TRAPPC9: variants seen among roughly 807,000 people sequenced by gnomAD.
TRAPPC9 encodes trafficking protein particle complex subunit 9.
TRAPPC9 carries 83 observed loss-of-function variants against 124.0 expected under a neutral mutation model. That is an observed-to-expected ratio of 0.67 (90% CI 0.56 to 0.80). The LOEUF (loss-of-function observed/expected upper bound fraction) is 0.80, where lower values mean the gene tolerates loss of function less well. TRAPPC9 is among the 30% of genes least tolerant of loss of function. TRAPPC9 has a pLI of 0.00. For missense variants in TRAPPC9, 1,302 were observed against 1,508.3 expected, an observed-to-expected ratio of 0.86 and a Z score of 2.27; for synonymous variants, 638 against 617.5, an observed-to-expected ratio of 1.03 and a Z score of -0.49.
intron 21 of TRAPPC9, among the ~76,000 whole-genome samples, chr8:139,781,178 T>C (rs1378531735): frequency 6.6e-6 from 1 of 152,180 alleles, no homozygotes; most frequent in Non-Finnish European, 1.5e-5. Flanking sequence ...CCAAATGAGT[T>C]GAAAATTTAT....
At chr8:139,911,055 C>G (rs1334243464) in intron 19 of TRAPPC9, among the ~76,000 whole-genome samples, 1 of 152,110 alleles carries the variant, frequency 6.6e-6, no homozygotes, top group Non-Finnish European at 1.5e-5. Flanking sequence ...GAGTTTGGCT[C>G]TATCCCCACC....
chr8:140,146,511 C>T (rs888864471), intron 17 of TRAPPC9, among the ~76,000 whole-genome samples: 3 of 152,208 alleles, frequency 2.0e-5, no homozygotes, highest in African/African-American at 7.2e-5. Context: ...TGCATATACA[C>T]ATTTTTTCTA....
intron 3 of TRAPPC9, among the ~76,000 whole-genome samples, chr8:140,437,135 T>TTTTTA (rs1181626999): frequency 1.7e-4 from 24 of 141,360 alleles, no homozygotes; most frequent in African/African-American, 2.5e-4. Flanking sequence ...AGCTAATGTC[T>TTTTTA]TTTTATTTTA....
intron 13 of TRAPPC9, among the ~76,000 whole-genome samples, chr8:140,286,425 G>C (rs2065486213): frequency 6.6e-6 from 1 of 152,144 alleles, no homozygotes; most frequent in African/African-American, 2.4e-5. Flanking sequence ...GATGGGAGGT[G>C]GGTCTGTTAG....
At chr8:139,988,935 G>A (rs1228190810) in intron 18 of TRAPPC9, 99 bp from the exon 19 acceptor site, 2 of 809,080 alleles carry the variant, frequency 2.5e-6, no homozygotes, top group East Asian at 5.3e-5. Context: ...CACTTAAGAA[G>A]GGCAAAGTAT....
intron 21 of TRAPPC9, among the ~76,000 whole-genome samples, chr8:139,809,881 T>C (rs1031301617): frequency 4.6e-5 from 7 of 152,066 alleles, no homozygotes; most frequent in African/African-American, 1.7e-4. Context: ...AGCGGCAGGA[T>C]ACTGAGTGAC....
At position 140,024,002 on chromosome 8, in the gene TRAPPC9, C is replaced by T. The variant is rs1194681301; in HGVS notation, c.2634G>A (p.Leu878=). Residue 878 remains leucine (L), a synonymous_variant, in exon 18 of 23, where the codon CTG becomes CTA. Coordinates refer to ENST00000438773, the MANE Select transcript of TRAPPC9 (RefSeq NM_001160372.4). ...HTEGYYRNLS[L]GLHVEVEPSV... ...ACGGCTCGACTTCTACATGCAGCCC[C>T]AGGGAGAGATTCCTGTAATATCCTT... is the stretch of plus-strand genomic sequence containing the variant. The T allele has an allele frequency of 6.2e-7, 1 of 1,614,078 alleles. No homozygotes were observed. Among genetic ancestry groups the T allele is most frequent in the South Asian group, 1.1e-5 (1 of 91,080 alleles).
chr8:140,271,477 C>T (rs1056928366), intron 15 of TRAPPC9, among the ~76,000 whole-genome samples: 1 of 152,044 alleles, frequency 6.6e-6, no homozygotes, highest in Non-Finnish European at 1.5e-5. Context: ...ACAAAGAGCT[C>T]ACACCAAGGG....
intron 17 of TRAPPC9, among the ~76,000 whole-genome samples, chr8:140,142,579 C>T (rs1317146415): frequency 2.0e-5 from 3 of 152,244 alleles, no homozygotes; most frequent in Non-Finnish European, 4.4e-5. Context: ...CTGATTCCCA[C>T]CCTCACAGCC....
intron 21 of TRAPPC9, among the ~76,000 whole-genome samples, chr8:139,823,175 C>T (rs567468733): frequency 4.5e-4 from 68 of 152,220 alleles, no homozygotes; most frequent in African/African-American, 1.5e-3. Flanking sequence ...ACATTCAGTT[C>T]GGACCAGTAC....
chr8:140,370,905 C>G (rs536735985), intron 8 of TRAPPC9, 59 bp downstream of exon 8: 1 of 1,591,338 alleles, frequency 6.3e-7, no homozygotes, highest in South Asian at 1.1e-5. Flanking sequence ...GGGGCTGAAA[C>G]AGCATGTGAC....
At chr8:139,940,258 T>A (rs908665365) in intron 19 of TRAPPC9, among the ~76,000 whole-genome samples, 1 of 152,180 alleles carries the variant, frequency 6.6e-6, no homozygotes, top group Non-Finnish European at 1.5e-5. Context: ...TCTTAATACA[T>A]CTTCTCCACC....
chr8:139,947,907 T>TATATATATATATATAG, intron 19 of TRAPPC9, among the ~76,000 whole-genome samples: 1 of 60,370 alleles, frequency 1.7e-5, no homozygotes, highest in Non-Finnish European at 3.3e-5. Flanking sequence ...TATATATATA[T>TATATATATATATATAG]AGAGAGAGAG....
chr8:139,952,390 T>C (rs1207695085), intron 19 of TRAPPC9, among the ~76,000 whole-genome samples: 2 of 152,224 alleles, frequency 1.3e-5, no homozygotes, highest in East Asian at 1.9e-4. Flanking sequence ...GAGGAAAGCA[T>C]GGTGTGAACC....
At chr8:140,367,947 G>A (rs1259811980) in intron 8 of TRAPPC9, among the ~76,000 whole-genome samples, 3 of 152,162 alleles carry the variant, frequency 2.0e-5, no homozygotes, top group Admixed American at 6.5e-5. Flanking sequence ...AGGGAACACC[G>A]AGGAAAAAGA....
At chr8:140,244,800 C>CTTTTTTTT (rs1162364645) in intron 16 of TRAPPC9, among the ~76,000 whole-genome samples, 5 of 90,180 alleles carry the variant, frequency 5.5e-5, no homozygotes, top group Non-Finnish European at 7.7e-5. Context: ...TTTCCAATTC[C>CTTTTTTTT]TTTTTTTTTT....
Position 139,729,316 on chromosome 8 carries a change from G to A in TRAPPC9, c.*1745C>T, listed in dbSNP as rs544873595. Among the ~76,000 whole-genome samples, 3 of 152,360 alleles carry A rather than the reference G, an allele frequency of 2.0e-5. No individual in the cohort carries two copies. The highest frequency in any genetic ancestry group is 6.5e-5 in the Admixed American group (1 of 15,304). Reference sequence around the variant, plus strand: ...GCAATGTGTTGTTTCATTCAATGGCGTATTTTTGGGCTCTGTTGAGGTTGA... The same window carrying A: ...GCAATGTGTTGTTTCATTCAATGGCATATTTTTGGGCTCTGTTGAGGTTGA... On this transcript the variant is annotated 3_prime_UTR_variant, in exon 23 of 23. Transcript: ENST00000438773.
intron 2 of TRAPPC9, among the ~76,000 whole-genome samples, chr8:140,449,163 C>G (rs930380695): frequency 1.3e-5 from 2 of 152,198 alleles, no homozygotes; most frequent in African/African-American, 2.4e-5. Flanking sequence ...TCTCCTCATA[C>G]TTACCAACAA....
intron 6 of TRAPPC9, among the ~76,000 whole-genome samples, chr8:140,402,478 T>G (rs2069312888): frequency 6.7e-6 from 1 of 148,934 alleles, no homozygotes; most frequent in African/African-American, 2.5e-5. Context: ...GCAGATTGCT[T>G]GAGCCAGAAG....
Sources: allele counts gnomAD v4.1 joint callset (sites outside exome capture counted in the v4.1 genomes callset), GRCh38; gene constraint gnomAD v4.1.1; transcripts MANE v1.5; gene names NCBI Gene and HGNC (gene_info 2026-07-23, HGNC 2026-07-21).